DENND5B: variants seen among roughly 807,000 people sequenced by gnomAD.
The protein encoded by DENND5B is DENN domain-containing protein 5B.
DENND5B carries 34 observed loss-of-function variants against 140.6 expected under a neutral mutation model. The observed-to-expected ratio is 0.24, with a 90% CI of 0.18 to 0.32. DENND5B has a LOEUF of 0.32. Among genes scored for constraint, DENND5B ranks in the 10% least tolerant of loss-of-function variants. DENND5B has a pLI of 1.00. For synonymous variants in DENND5B, 551 were observed against 562.1 expected (o/e 0.98, Z 0.28); for missense variants, 1,142 against 1,560.2 (o/e 0.73, Z 4.52).
chr12:31,463,227 C>A (rs1945102198), intron 3 of DENND5B, among the ~76,000 whole-genome samples: 1 of 152,194 alleles, frequency 6.6e-6, no homozygotes. Flanking sequence ...CCACTGCACT[C>A]CAGGCCTGGG....
chr12:31,573,519 C>T (rs540358425), intron 1 of DENND5B, among the ~76,000 whole-genome samples: 29 of 152,330 alleles, frequency 1.9e-4, no homozygotes, highest in East Asian at 7.7e-4. Flanking sequence ...TACTTCATGG[C>T]CTTATGTTCA....
chr12:31,551,384 A>G (rs1382136021), intron 1 of DENND5B, among the ~76,000 whole-genome samples: 2 of 151,992 alleles, frequency 1.3e-5, no homozygotes, highest in African/African-American at 2.4e-5. Context: ...GATATGCGGC[A>G]TTATTTCTGA....
At chr12:31,484,473 G>C (rs34450466) in intron 2 of DENND5B, among the ~76,000 whole-genome samples, 19,318 of 152,118 alleles carry the variant, frequency 0.13, 1,560 homozygotes, top group Non-Finnish European at 0.18. Flanking sequence ...AACTCGGTAA[G>C]TGGGTGCCTC....
At chr12:31,551,482 G>C (rs1949058309) in intron 1 of DENND5B, among the ~76,000 whole-genome samples, 1 of 152,196 alleles carries the variant, frequency 6.6e-6, no homozygotes, top group Non-Finnish European at 1.5e-5. Flanking sequence ...AGTATAGTTT[G>C]AAGTCAGGTA....
chr12:31,424,741 A>G (rs1943161290), intron 9 of DENND5B, 54 bp from the exon 10 acceptor site: 15 of 1,584,926 alleles, frequency 9.5e-6, no homozygotes, highest in Non-Finnish European at 1.3e-5. Flanking sequence ...CCAAAAACCA[A>G]CAAGTCAATT....
chr12:31,432,591 T>C (rs1288673167), intron 8 of DENND5B: 1 of 152,292 alleles, frequency 6.6e-6, no homozygotes, highest in East Asian at 1.9e-4. Context: ...CAAGACACTA[T>C]ATATATATGC....
At position 31,442,930 on chromosome 12, in the gene DENND5B, AAATT is replaced by A; in HGVS notation, c.1862-9_1862-6del. On this transcript the variant is annotated splice_polypyrimidine_tract_variant and splice_region_variant and intron_variant, in intron 6 of 20. Coordinates refer to ENST00000389082, the MANE Select transcript of DENND5B (RefSeq NM_144973.4). Reference sequence around the variant, plus strand: ...GTCTCTGCTCAATTGATTGGGCTATAAATTAAATTTATAATAAATTAGAGACATT... The same window carrying A: ...GTCTCTGCTCAATTGATTGGGCTATAAAATTTATAATAAATTAGAGACATT... 1 of 1,550,436 alleles carries A rather than the reference AAATT, an allele frequency of 6.4e-7. No homozygotes were observed. Among genetic ancestry groups the A allele is most frequent in the Non-Finnish European group, 8.7e-7 (1 of 1,147,254 alleles).
At chr12:31,584,223 C>T (rs2074460394) in intron 1 of DENND5B, among the ~76,000 whole-genome samples, 2 of 152,158 alleles carry the variant, frequency 1.3e-5, no homozygotes, top group Admixed American at 1.3e-4. Context: ...TTTCTCTCTC[C>T]CTGTCCCCTT....
chr12:31,472,986 C>T (rs146699978), intron 3 of DENND5B, among the ~76,000 whole-genome samples: 1,751 of 152,222 alleles, frequency 0.012, 23 homozygotes, highest in African/African-American at 0.04. Context: ...GTCACACAGG[C>T]TGGAGTGCAG....
Position 31,517,218 on chromosome 12 carries a change from A to T in DENND5B, c.128-21299T>A, listed in dbSNP as rs552950835. Among the ~76,000 whole-genome samples, 6 of 152,346 alleles carry T rather than the reference A, an allele frequency of 3.9e-5. No homozygotes were observed. The South Asian group carries it at 1.0e-3, about 26-fold the overall frequency. ...TTTCAGGACTGTTTCCTACATGTAT[A>T]AACTACCCCACTACAACCCACGGTG... is the stretch of plus-strand genomic sequence containing the variant. On this transcript the variant is annotated intron_variant, in intron 1 of 20. Transcript: ENST00000389082.
At chr12:31,441,880 G>A (rs918867950) in intron 7 of DENND5B, among the ~76,000 whole-genome samples, 11 of 150,426 alleles carry the variant, frequency 7.3e-5, no homozygotes, top group Admixed American at 4.0e-4. Flanking sequence ...ACAGGGTTTC[G>A]CCACATTGGC....
chr12:31,411,780 G>A (rs746697792), intron 13 of DENND5B, among the ~76,000 whole-genome samples: 18 of 152,076 alleles, frequency 1.2e-4, no homozygotes, highest in Non-Finnish European at 1.9e-4. Context: ...ATGCTCCAGG[G>A]GGTATGTAAT....
intron 1 of DENND5B, among the ~76,000 whole-genome samples, chr12:31,548,011 AAAGTT>A (rs1454373486): frequency 1.3e-5 from 2 of 152,314 alleles, no homozygotes; most frequent in African/African-American, 4.8e-5. Context: ...CAGCCTCTAA[AAAGTT>A]TTAAAGGCAT....
At chr12:31,402,446 T>C in intron 15 of DENND5B, 52 bp downstream of exon 15, 1 of 1,559,790 alleles carries the variant, frequency 6.4e-7, no homozygotes, top group Non-Finnish European at 8.7e-7. Flanking sequence ...CAGAATCATC[T>C]GTAAAACTAC....
chr12:31,481,184 ATAT>A (rs1415039868), intron 2 of DENND5B, among the ~76,000 whole-genome samples: 2 of 152,212 alleles, frequency 1.3e-5, no homozygotes, highest in South Asian at 2.1e-4. Context: ...ATTTAACCAT[ATAT>A]TATTACTATT....
Position 31,398,350 on chromosome 12 carries a change from C to A in DENND5B, c.3081G>T (p.Gly1027=), listed in dbSNP as rs1385048226. The change falls in exon 17 of 21, where the codon GGG becomes GGT. Residue 1027 remains glycine, a synonymous_variant. Coordinates refer to ENST00000389082, the MANE Select transcript of DENND5B (RefSeq NM_144973.4). The part of the protein sequence containing the change: ...ITGHTYRFPC[G]RWLGKGIDDG... ...CATCAATGCCTTTCCCCAGCCACCG[C>A]CCACATGGGAATCTGGTAGGACAGA... 6.5e-7 allele frequency: 1 copy of A among 1,544,238 alleles called. No individual in the cohort carries two copies. The highest frequency in any genetic ancestry group is 8.7e-7 in the Non-Finnish European group (1 of 1,145,424).
intron 3 of DENND5B, among the ~76,000 whole-genome samples, chr12:31,467,829 A>C (rs11614592): frequency 0.091 from 13,907 of 152,276 alleles, 865 homozygotes; most frequent in East Asian, 0.25. Context: ...ATTTATCATT[A>C]AGAAAAAGAG....
chr12:31,532,570 T>A (rs1437984307), intron 1 of DENND5B, among the ~76,000 whole-genome samples: 1 of 151,938 alleles, frequency 6.6e-6, no homozygotes, highest in African/African-American at 2.4e-5. Context: ...AGAAAATTAG[T>A]GAGTTATATA....
At chr12:31,494,120 G>T (rs185619382) in intron 2 of DENND5B, among the ~76,000 whole-genome samples, 182 of 151,356 alleles carry the variant, frequency 1.2e-3, no homozygotes, top group Non-Finnish European at 2.2e-3. Flanking sequence ...CCCTCTCAAG[G>T]TTGACTATCT....
Sources: gnomAD v4.1 joint callset for allele counts (sites outside exome capture counted in the v4.1 genomes callset) on GRCh38, gnomAD v4.1.1 for gene constraint, MANE v1.5 for transcripts, NCBI Gene and HGNC (gene_info 2026-07-23, HGNC 2026-07-21) for gene names.